Variants in CSMD3 observed in about 807,000 individuals in gnomAD.
CSMD3 encodes CUB and sushi domain-containing protein 3.
CSMD3 carries 177 observed loss-of-function variants against 435.2 expected under a neutral mutation model. The ratio of observed to expected loss-of-function variants is 0.41; its 90% CI spans 0.36 to 0.46. The LOEUF is 0.46. CSMD3 is among the 20% of genes least tolerant of loss of function. The pLI, the probability that CSMD3 is intolerant of heterozygous loss-of-function variation, is 0.34. For missense variants in CSMD3, 4,265 were observed against 4,504.6 expected (o/e 0.95, Z 1.52); for synonymous variants, 1,656 against 1,520.5 (o/e 1.09, Z -2.07).
At chr8:112,888,091 A>AAG (rs2081663669) in intron 10 of CSMD3, among the ~76,000 whole-genome samples, 1 of 151,712 alleles carries the variant, frequency 6.6e-6, no homozygotes, top group African/African-American at 2.4e-5. Flanking sequence ...ATTCCTGAGA[A>AAG]ACATATCAGT....
rs539143997 is a variant in CSMD3, at chr8:113,262,335, C to A, written c.514+16257G>T. 5.3e-5 allele frequency among the ~76,000 whole-genome samples: 8 copies of A among 152,112 alleles called. No homozygotes were observed. The East Asian group carries it at 1.5e-3, about 29-fold the overall frequency. On this transcript the variant is annotated intron_variant, in intron 3 of 70. Transcript: ENST00000297405. ...TATGTTGATTAATTATAAAATGCAT[C>A]TTTTAATCTTCTATTCTTTGTCTTT...
chr8:112,749,218 T>C (rs1327714300), intron 13 of CSMD3, among the ~76,000 whole-genome samples: 1 of 152,200 alleles, frequency 6.6e-6, no homozygotes, highest in Non-Finnish European at 1.5e-5. Flanking sequence ...TTTGTTTAAG[T>C]TGCTTATAGA....
intron 13 of CSMD3, among the ~76,000 whole-genome samples, chr8:112,692,758 C>A (rs373078238): frequency 6.6e-6 from 1 of 151,902 alleles, no homozygotes; most frequent in African/African-American, 2.4e-5. Context: ...TAATGTGGTC[C>A]AAAAATAGGT....
chr8:113,350,374 G>C (rs990586432), intron 1 of CSMD3, among the ~76,000 whole-genome samples: 1 of 152,118 alleles, frequency 6.6e-6, no homozygotes, highest in Non-Finnish European at 1.5e-5. Context: ...AGGGATTCCA[G>C]GACCTAAAAT....
chr8:112,255,490 GA>G, intron 61 of CSMD3, 63 bp from the exon 62 acceptor site: 2 of 1,361,122 alleles, frequency 1.5e-6, no homozygotes, highest in Non-Finnish European at 1.0e-6. Flanking sequence ...ACACAGTTTG[GA>G]AAAATGGTGA....
At chr8:112,896,077 T>C (rs1346827264) in intron 10 of CSMD3, among the ~76,000 whole-genome samples, 1 of 151,500 alleles carries the variant, frequency 6.6e-6, no homozygotes, top group Admixed American at 6.6e-5. Flanking sequence ...ATCAATTTGT[T>C]CCCAGTGAAT....
chr8:112,422,615 C>G (rs1044216435), intron 32 of CSMD3, among the ~76,000 whole-genome samples: 1 of 151,982 alleles, frequency 6.6e-6, no homozygotes, highest in Admixed American at 6.6e-5. Flanking sequence ...AAAATAATAC[C>G]CACTCCTTTG....
rs1282056700 is a variant in CSMD3 at position 112,228,839 on chromosome 8, A to G, written c.10881T>C (p.Asn3627=). ...GAATAGCAATGGCTACAGAACTACTATTTGTACCATGAGGTTGATTTGAAG... is the reference window on the plus strand; with the variant it reads ...GAATAGCAATGGCTACAGAACTACTGTTTGTACCATGAGGTTGATTTGAAG... The part of the protein sequence containing the change: ...SNSSNQPHGT[N]SSSVAIAILV... Residue 3627 remains asparagine (N), a synonymous_variant, in exon 70 of 71, where the codon AAT becomes AAC. Coordinates refer to ENST00000297405, the MANE Select transcript of CSMD3 (RefSeq NM_198123.2). 6.3e-7 allele frequency: 1 copy of G among 1,590,370 alleles called. No homozygotes were observed. The highest frequency in any genetic ancestry group is 2.2e-5 in the East Asian group (1 of 44,588).
chr8:112,932,443 T>C (rs925086583), intron 9 of CSMD3, among the ~76,000 whole-genome samples: 1 of 152,172 alleles, frequency 6.6e-6, no homozygotes, highest in Non-Finnish European at 1.5e-5. Flanking sequence ...AGATGGGGTT[T>C]CACCATGTTA....
chr8:112,601,735 T>C (rs1361513813), intron 22 of CSMD3, among the ~76,000 whole-genome samples: 1 of 152,062 alleles, frequency 6.6e-6, no homozygotes, highest in Non-Finnish European at 1.5e-5. Flanking sequence ...TTTCCTGGTA[T>C]TGGGGAAAAA....
intron 1 of CSMD3, among the ~76,000 whole-genome samples, chr8:113,436,323 C>A (rs1250247892): frequency 6.6e-6 from 1 of 152,142 alleles, no homozygotes; most frequent in East Asian, 1.9e-4. Flanking sequence ...AAGCCTCAAG[C>A]CCTAGTGATC....
chr8:113,371,158 T>G (rs2094344097), intron 1 of CSMD3, among the ~76,000 whole-genome samples: 2 of 152,094 alleles, frequency 1.3e-5, no homozygotes, highest in Non-Finnish European at 2.9e-5. Flanking sequence ...AGATATGCCA[T>G]TTTTCTATTA....
intron 13 of CSMD3, among the ~76,000 whole-genome samples, chr8:112,757,256 G>A (rs1175582518): frequency 6.6e-6 from 1 of 151,818 alleles, no homozygotes; most frequent in Non-Finnish European, 1.5e-5. Flanking sequence ...GATTGTTTTT[G>A]CTTATATTTT....
chr8:113,351,641 A>T (rs1428557683), intron 1 of CSMD3, among the ~76,000 whole-genome samples: 1 of 152,150 alleles, frequency 6.6e-6, no homozygotes, highest in Non-Finnish European at 1.5e-5. Flanking sequence ...GTACATATTA[A>T]GATGCAGCTG....
chr8:113,162,627 A>G (rs901394311), intron 4 of CSMD3, among the ~76,000 whole-genome samples: 2 of 151,524 alleles, frequency 1.3e-5, no homozygotes, highest in African/African-American at 4.8e-5. Flanking sequence ...TTGAATTCCA[A>G]TCCTAGATTT....
chr8:112,406,085 C>T (rs1382412807), intron 35 of CSMD3, among the ~76,000 whole-genome samples: 1 of 151,902 alleles, frequency 6.6e-6, no homozygotes, highest in Non-Finnish European at 1.5e-5. Flanking sequence ...ATATCCCATT[C>T]TTCATAATGT....
intron 22 of CSMD3, among the ~76,000 whole-genome samples, chr8:112,632,939 C>A (rs2074557922): frequency 6.6e-6 from 1 of 151,776 alleles, no homozygotes; most frequent in South Asian, 2.1e-4. Flanking sequence ...CATTCAAATA[C>A]AAAACATCTT....
chr8:112,637,918 A>G (rs888676522), intron 21 of CSMD3, among the ~76,000 whole-genome samples: 2 of 151,978 alleles, frequency 1.3e-5, no homozygotes, highest in Non-Finnish European at 2.9e-5. Flanking sequence ...TAGTGCTTGT[A>G]TCATTTTAAT....
intron 1 of CSMD3, among the ~76,000 whole-genome samples, chr8:113,370,396 G>A (rs1295055941): frequency 1.3e-5 from 2 of 150,896 alleles, no homozygotes; most frequent in Middle Eastern, 3.5e-3. Flanking sequence ...AAATGACCTT[G>A]TCAAATTGTG....
Sources: gnomAD v4.1 joint callset for allele counts (sites outside exome capture counted in the v4.1 genomes callset) on GRCh38, gnomAD v4.1.1 for gene constraint, MANE v1.5 for transcripts, NCBI Gene and HGNC (gene_info 2026-07-23, HGNC 2026-07-21) for gene names.